DNAJC16: variants seen among roughly 807,000 people sequenced by gnomAD.
DNAJC16 encodes DnaJ heat shock protein family (Hsp40) member C16.
Under a neutral mutation model 92.7 loss-of-function variants are expected in DNAJC16, and 76 were observed. That is an observed-to-expected ratio of 0.82 (90% CI 0.68 to 0.99). The LOEUF (loss-of-function observed/expected upper bound fraction) is 0.99. Among genes scored for constraint, DNAJC16 ranks in the 50% least tolerant of loss-of-function variants. The pLI is 0.00. For missense variants in DNAJC16, 869 were observed against 942.4 expected (o/e 0.92, Z 1.02); for synonymous variants, 328 against 358.7 (o/e 0.91, Z 0.97).
At chr1:15,563,882 A>G in intron 9 of DNAJC16, 47 bp from the exon 10 acceptor site, 1 of 1,542,844 alleles carries the variant, frequency 6.5e-7, no homozygotes. Flanking sequence ...CTGTAACTTA[A>G]CCATGCTTTT....
chr1:15,528,864 T>G (rs1710585363), intron 1 of DNAJC16, among the ~76,000 whole-genome samples: 1 of 152,254 alleles, frequency 6.6e-6, no homozygotes, highest in South Asian at 2.1e-4. Context: ...GGAGAGTTGC[T>G]ATTCTTATTA....
chr1:15,550,306 T>A (rs1331810893), intron 7 of DNAJC16, among the ~76,000 whole-genome samples: 1 of 152,248 alleles, frequency 6.6e-6, no homozygotes, highest in African/African-American at 2.4e-5. Context: ...TTTATCCCAC[T>A]GGGGAAAATT....
intron 3 of DNAJC16, among the ~76,000 whole-genome samples, chr1:15,534,705 G>A (rs915924138): frequency 2.4e-4 from 37 of 151,898 alleles, no homozygotes; most frequent in African/African-American, 6.8e-4. Flanking sequence ...GAGGGAGACC[G>A]TCTCAAAAAA....
chr1:15,565,994 T>G lies in DNAJC16; in HGVS notation c.1674T>G (p.Ala558=). ...FILFGTVIVQ[A]FSDSNDERES... ...TCTTCGGCACTGTCATCGTTCAGGCTTTCAGGTAAATGTCCTGTGGCTTCT... is the reference window on the plus strand; with the variant it reads ...TCTTCGGCACTGTCATCGTTCAGGCGTTCAGGTAAATGTCCTGTGGCTTCT... The change falls in exon 12 of 15, where the codon GCT becomes GCG. Residue 558 remains alanine, a synonymous_variant. Coordinates refer to ENST00000375847, the MANE Select transcript of DNAJC16 (RefSeq NM_015291.4). 2 of 1,614,034 alleles carry G rather than the reference T, an allele frequency of 1.2e-6. No homozygotes were observed. The highest frequency in any genetic ancestry group is 2.2e-5 in the South Asian group (2 of 91,048).
In DNAJC16 at chr1:15,553,642, C is replaced by G. The variant is rs887695794; in HGVS notation, c.1023+5214C>G. Among the ~76,000 whole-genome samples, 7 of 152,302 alleles carry G rather than the reference C, an allele frequency of 4.6e-5. No homozygotes were observed. The South Asian group carries it at 1.4e-3, about 32-fold the overall frequency. On this transcript the variant is annotated intron_variant, in intron 7 of 14. Transcript: ENST00000375847. ...GTGTGAAGCTCAGTGAATTCTCACA[C>G]AATGAACACATCCATGTTAGCTTCA...
intron 7 of DNAJC16, among the ~76,000 whole-genome samples, chr1:15,548,892 T>C (rs1046134121): frequency 6.6e-6 from 1 of 152,174 alleles, no homozygotes; most frequent in Non-Finnish European, 1.5e-5. Context: ...GGGGGAATAT[T>C]TATAACAAAT....
rs199638376 is a variant in DNAJC16 at position 15,544,795 on chromosome 1, GA to G, written c.759+215del. 5.3e-4 allele frequency among the ~76,000 whole-genome samples: 81 copies of G among 152,292 alleles called. No homozygotes were observed. In the East Asian group the frequency reaches 0.015, roughly 29 times the overall value. ...TTGAAACAGATGAAGTACAGAGACT[GA>G]AAGAATTAATTCCTATTAATACCCA... On this transcript the variant is annotated intron_variant, in intron 5 of 14. Coordinates refer to ENST00000375847, the MANE Select transcript of DNAJC16 (RefSeq NM_015291.4).
chr1:15,556,628 A>G (rs1239032093), intron 7 of DNAJC16, among the ~76,000 whole-genome samples: 1 of 152,062 alleles, frequency 6.6e-6, no homozygotes, highest in Non-Finnish European at 1.5e-5. Context: ...TAACTATGTA[A>G]TCATATCATC....
chr1:15,551,245 G>A (rs1331753193), intron 7 of DNAJC16, among the ~76,000 whole-genome samples: 1 of 152,188 alleles, frequency 6.6e-6, no homozygotes, highest in Non-Finnish European at 1.5e-5. Context: ...ATGTCTTTTT[G>A]ATGGATTTAA....
intron 7 of DNAJC16, among the ~76,000 whole-genome samples, chr1:15,558,855 C>T (rs961440064): frequency 1.6e-4 from 24 of 152,074 alleles, no homozygotes; most frequent in African/African-American, 5.1e-4. Context: ...TTGCCCAGTT[C>T]GCTACAAATC....
At chr1:15,539,010 G>T (rs976105463) in intron 4 of DNAJC16, among the ~76,000 whole-genome samples, 1 of 152,202 alleles carries the variant, frequency 6.6e-6, no homozygotes, top group East Asian at 1.9e-4. Flanking sequence ...GTGCAGCTGA[G>T]GGGGGAAAAA....
chr1:15,540,543 G>A (rs1029335841), intron 4 of DNAJC16, among the ~76,000 whole-genome samples: 4 of 152,030 alleles, frequency 2.6e-5, no homozygotes, highest in African/African-American at 9.7e-5. Context: ...TGCCAACTCT[G>A]TCACCCTGGG....
chr1:15,528,971 C>T lies in DNAJC16; in HGVS notation c.-18-117C>T, dbSNP rs191747736. 1.1e-4 allele frequency: 91 copies of T among 857,996 alleles called. 1 individual carries two copies. The East Asian group carries it at 1.7e-3, about 16-fold the overall frequency. 53.1% of individuals were successfully genotyped at this position (857,996 alleles called of 1,614,324 possible). ...ACAGTTCAACAGCTTGACACTTTTC[C>T]TGCAAAATACCTTTTGTTGGTTTTG... On this transcript the variant is annotated intron_variant, in intron 1 of 14. Coordinates refer to ENST00000375847, the MANE Select transcript of DNAJC16 (RefSeq NM_015291.4).
At chr1:15,552,472 GA>G (rs1638468151) in intron 7 of DNAJC16, among the ~76,000 whole-genome samples, 1 of 151,902 alleles carries the variant, frequency 6.6e-6, no homozygotes, top group African/African-American at 2.4e-5. Context: ...CTGGGCGACA[GA>G]GTGGGACTTC....
Position 15,560,273 on chromosome 1 carries a change from TTA to T in DNAJC16, c.1154+618_1154+619del, listed in dbSNP as rs1638661968. On this transcript the variant is annotated intron_variant, in intron 8 of 14. Coordinates refer to ENST00000375847, the MANE Select transcript of DNAJC16 (RefSeq NM_015291.4). Reference sequence around the variant, plus strand: ...GGCGTCTGGGATAGACTGGGTCACTTTACAGAAGCACAGAATATGGAAGAGTG... The same window carrying T: ...GGCGTCTGGGATAGACTGGGTCACTTCAGAAGCACAGAATATGGAAGAGTG... 10 of 152,272 alleles carry T rather than the reference TTA, an allele frequency of 6.6e-5. No homozygotes were observed. The South Asian group carries it at 2.1e-3, about 32-fold the overall frequency. 9.4% of individuals were successfully genotyped at this position (152,272 alleles called of 1,614,324 possible). A position where few individuals can be genotyped will look rare whatever the true frequency, so the allele number is the denominator to read the frequency against.
intron 11 of DNAJC16, 148 bp downstream of exon 11, chr1:15,564,507 T>G: frequency 3.3e-6 from 2 of 611,032 alleles, no homozygotes; most frequent in South Asian, 2.0e-5. Flanking sequence ...ATTCCCCTTT[T>G]TCTTTCTTTC....
chr1:15,557,935 A>G (rs1360351190), intron 7 of DNAJC16, among the ~76,000 whole-genome samples: 1 of 151,646 alleles, frequency 6.6e-6, no homozygotes, highest in Non-Finnish European at 1.5e-5. Context: ...TTTATGAGAC[A>G]GGGTTTCACT....
At chr1:15,539,846 G>A (rs1374494636) in intron 4 of DNAJC16, among the ~76,000 whole-genome samples, 1 of 152,034 alleles carries the variant, frequency 6.6e-6, no homozygotes, top group Admixed American at 6.6e-5. Context: ...TGGCCAACAT[G>A]GTGAAATCCC....
Position 15,568,172 on chromosome 1 carries a change from G to T in DNAJC16, c.2344G>T (p.Asp782Tyr). Residue 782 changes from aspartate to tyrosine, a missense_variant, in exon 15 of 15, where the codon GAC becomes TAC. Asp to Tyr is a radical substitution (Grantham distance 160, BLOSUM62 -3). Coordinates refer to ENST00000375847, the MANE Select transcript of DNAJC16 (RefSeq NM_015291.4). ...TTATATCCCATCATGGCCTGAACTA[G>T]ACTGAGAGGATTTTCCAAAGAGATT... ...RFYIPSWPEL[D>Y] 6.3e-7 allele frequency: 1 copy of T among 1,597,118 alleles called. No individual in the cohort carries two copies. Among genetic ancestry groups the T allele is most frequent in the South Asian group, 1.1e-5 (1 of 89,522 alleles).
Sources: allele counts gnomAD v4.1 joint callset (sites outside exome capture counted in the v4.1 genomes callset), GRCh38; gene constraint gnomAD v4.1.1; transcripts MANE v1.5; gene names NCBI Gene and HGNC (gene_info 2026-07-23, HGNC 2026-07-21).